The following MASP1 variants were observed in gnomAD, a reference collection of about 807,000 sequenced individuals.
MASP1 encodes mannan-binding lectin serine protease 1.
Under a neutral mutation model 77.1 loss-of-function variants are expected in MASP1, and 59 were observed. The ratio of observed to expected loss-of-function variants is 0.77; its 90% CI spans 0.62 to 0.95. The LOEUF is 0.95. Ranked by LOEUF, MASP1 falls within the 40% of genes least tolerant of loss-of-function variation. The pLI is 0.00. For synonymous variants in MASP1, 362 were observed against 354.5 expected (o/e 1.02, Z -0.24); for missense variants, 885 against 912.9 (o/e 0.97, Z 0.39).
At chr3:187,255,488 G>T (rs1482988614) in intron 5 of MASP1, among the ~76,000 whole-genome samples, 1 of 152,200 alleles carries the variant, frequency 6.6e-6, no homozygotes, top group Non-Finnish European at 1.5e-5. Flanking sequence ...GAACCCCATT[G>T]TGCTCACTGG....
At chr3:187,264,508 C>T (rs561450713) in intron 2 of MASP1, among the ~76,000 whole-genome samples, 1 of 152,132 alleles carries the variant, frequency 6.6e-6, no homozygotes, top group Admixed American at 6.5e-5. Flanking sequence ...GAAGTACCCA[C>T]TTTCTCAAGT....
chr3:187,227,405 C>T lies in MASP1; in HGVS notation c.1442-885G>A, dbSNP rs1392606129. On this transcript the variant is annotated intron_variant, in intron 11 of 15. Transcript: ENST00000337774. Reference sequence around the variant, plus strand: ...TCTGGATGGACAGGCATCTGCCCTTCGTTTAATGCAGGGTCAGGCTTCCAT... The same window carrying T: ...TCTGGATGGACAGGCATCTGCCCTTTGTTTAATGCAGGGTCAGGCTTCCAT... 5.3e-5 allele frequency among the ~76,000 whole-genome samples: 8 copies of T among 152,264 alleles called. No homozygotes were observed. In the South Asian group the frequency reaches 8.3e-4, roughly 16 times the overall value.
intron 2 of MASP1, among the ~76,000 whole-genome samples, chr3:187,282,487 T>C (rs1717506116): frequency 1.3e-5 from 1 of 77,190 alleles, no homozygotes; most frequent in Non-Finnish European, 2.5e-5. Flanking sequence ...CAGAGCAAGA[T>C]TCCGTTTCAA....
chr3:187,240,586 A>G (rs1713552989), intron 10 of MASP1, among the ~76,000 whole-genome samples: 1 of 152,120 alleles, frequency 6.6e-6, no homozygotes, highest in South Asian at 2.1e-4. Flanking sequence ...TTCTAAGTTG[A>G]CTTGAATAGC....
At chr3:187,245,279 T>A (rs17722403) in intron 8 of MASP1, among the ~76,000 whole-genome samples, 371 of 152,330 alleles carry the variant, frequency 2.4e-3, no homozygotes, top group Non-Finnish European at 4.4e-3. Flanking sequence ...AAAATGCCAT[T>A]GACTTGGTGC....
intron 10 of MASP1, among the ~76,000 whole-genome samples, chr3:187,237,092 G>A (rs2108515331): frequency 6.6e-6 from 1 of 152,308 alleles, no homozygotes; most frequent in Middle Eastern, 3.4e-3. Context: ...GCCTTGGCCT[G>A]GCTTTTCTCT....
chr3:187,259,750 C>T (rs779360400), intron 4 of MASP1, among the ~76,000 whole-genome samples: 29 of 152,148 alleles, frequency 1.9e-4, no homozygotes, highest in Non-Finnish European at 1.8e-4. Flanking sequence ...GGGTTTTATT[C>T]AGAAGCAAAT....
At chr3:187,250,530 G>A (rs1253539363) in intron 7 of MASP1, among the ~76,000 whole-genome samples, 1 of 152,154 alleles carries the variant, frequency 6.6e-6, no homozygotes, top group Non-Finnish European at 1.5e-5. Context: ...CTCTGGAGAG[G>A]GGCAAGGGCT....
chr3:187,217,467 C>A (rs1711834080), exon 16 of MASP1: 1 of 152,084 alleles, frequency 6.6e-6, no homozygotes, highest in African/African-American at 2.4e-5. Context: ...AAAGAGGAGA[C>A]CTTTTAAAGA....
rs1038774101 is a variant in MASP1 at position 187,234,705 on chromosome 3, AC to A, written c.*978del. On this transcript the variant is annotated 3_prime_UTR_variant, in exon 11 of 11. Transcript: ENST00000296280. The stretch of plus-strand genomic sequence containing the variant: ...GATTTGGGTGACTTCTAATGTGCCC[AC>A]CCCACTCTTTCTTCCATTTTCCTGC... 24 of 1,286,950 alleles carry A rather than the reference AC, an allele frequency of 1.9e-5. No homozygotes were observed. In the African/African-American group the frequency reaches 2.7e-4, roughly 15 times the overall value. 79.7% of individuals were successfully genotyped at this position (1,286,950 alleles called of 1,614,324 possible).
At chr3:187,225,703 G>C (rs1210357743) in intron 12 of MASP1, among the ~76,000 whole-genome samples, 1 of 152,152 alleles carries the variant, frequency 6.6e-6, no homozygotes, top group African/African-American at 2.4e-5. Context: ...CCCCACCTCT[G>C]TCTTTCTTCA....
At chr3:187,234,008 A>G (rs1346358111), downstream of MASP1, 4 of 1,074,738 alleles carry the variant, frequency 3.7e-6, no homozygotes, top group East Asian at 1.8e-4. Flanking sequence ...TAATGAGGAG[A>G]CCAATTTCTT....
downstream of MASP1, among the ~76,000 whole-genome samples, chr3:187,232,150 G>A (rs1273011357): frequency 6.6e-6 from 1 of 152,108 alleles, no homozygotes; most frequent in Admixed American, 6.5e-5. Context: ...ATTGGGTGCT[G>A]TTGACTACTT....
At chr3:187,290,210 A>G (rs1410258283) in intron 1 of MASP1, among the ~76,000 whole-genome samples, 1 of 152,166 alleles carries the variant, frequency 6.6e-6, no homozygotes, top group East Asian at 1.9e-4. Flanking sequence ...ACAGAAACAG[A>G]ACAAAGGACA....
At chr3:187,266,702 AG>A (rs1466810977) in intron 2 of MASP1, among the ~76,000 whole-genome samples, 1 of 152,190 alleles carries the variant, frequency 6.6e-6, no homozygotes. Context: ...TGTTAAGGAC[AG>A]AGAGCTGGGA....
chr3:187,273,032 A>G (rs1348893643), intron 2 of MASP1, among the ~76,000 whole-genome samples: 1 of 152,226 alleles, frequency 6.6e-6, no homozygotes, highest in East Asian at 1.9e-4. Context: ...CAGTACATCA[A>G]TGAGAAAAAC....
At chr3:187,246,534 G>T in intron 8 of MASP1, 1 of 985,494 alleles carries the variant, frequency 1.0e-6, no homozygotes, top group Non-Finnish European at 1.2e-6. Context: ...TTAATGCAAA[G>T]ATTCTCTGAC....
At chr3:187,268,821 C>T (rs1220485459) in intron 2 of MASP1, among the ~76,000 whole-genome samples, 1 of 152,092 alleles carries the variant, frequency 6.6e-6, no homozygotes, top group African/African-American at 2.4e-5. Flanking sequence ...AATCCCAGTA[C>T]TTTGGGAGGC....
chr3:187,291,334 C>T (rs563044827), intron 1 of MASP1: 24 of 515,848 alleles, frequency 4.7e-5, no homozygotes, highest in South Asian at 4.1e-4. Context: ...GAGTCACATT[C>T]GCCAGCAGGC....
Sources: allele counts gnomAD v4.1 joint callset (sites outside exome capture counted in the v4.1 genomes callset), GRCh38; gene constraint gnomAD v4.1.1; transcripts MANE v1.5; gene names NCBI Gene and HGNC (gene_info 2026-07-23, HGNC 2026-07-21).